ATP1B3: variants seen among roughly 807,000 people sequenced by gnomAD.
The protein encoded by ATP1B3 is ATPase Na+/K+ transporting subunit beta 3, also known as sodium/potassium-transporting ATPase subunit beta-3.
A neutral mutation model predicts 30.2 loss-of-function variants in ATP1B3; 10 were observed. The observed-to-expected ratio is 0.33, with a 90% CI of 0.20 to 0.56. The LOEUF is 0.56. Ranked by LOEUF, ATP1B3 falls within the 20% of genes least tolerant of loss-of-function variation. The pLI, the probability that ATP1B3 is intolerant of heterozygous loss-of-function variation, is 0.90. For missense variants in ATP1B3, 238 were observed against 336.7 expected (o/e 0.71, Z 2.29); for synonymous variants, 113 against 117.0 (o/e 0.97, Z 0.22).
At chr3:141,906,664 A>G (rs535393875) in intron 2 of ATP1B3, among the ~76,000 whole-genome samples, 2 of 152,346 alleles carry the variant, frequency 1.3e-5, no homozygotes, top group East Asian at 1.9e-4. Context: ...TTACAGAGCA[A>G]TATCTGCTAT....
At chr3:141,896,333 TAAG>T (rs1422505962) in intron 1 of ATP1B3, among the ~76,000 whole-genome samples, 5 of 151,976 alleles carry the variant, frequency 3.3e-5, no homozygotes, top group African/African-American at 9.7e-5. Flanking sequence ...AAAATTTTCT[TAAG>T]AAGACCCCCT....
intron 6 of ATP1B3, among the ~76,000 whole-genome samples, chr3:141,922,530 G>A (rs1031958954): frequency 6.6e-6 from 1 of 151,990 alleles, no homozygotes; most frequent in Non-Finnish European, 1.5e-5. Context: ...ACATGTGCCT[G>A]TAGTCCCAGC....
chr3:141,907,865 CATTT>C (rs985318185), intron 3 of ATP1B3, among the ~76,000 whole-genome samples: 1 of 152,156 alleles, frequency 6.6e-6, no homozygotes, highest in South Asian at 2.1e-4. Flanking sequence ...TGAAATGTAA[CATTT>C]ATTCTGCATT....
chr3:141,892,089 T>C lies in ATP1B3; in HGVS notation c.110-11531T>C, dbSNP rs576199168. Among the ~76,000 whole-genome samples, 4 of 152,230 alleles carry C rather than the reference T, an allele frequency of 2.6e-5. No homozygotes were observed. The East Asian group carries it at 7.7e-4, about 29-fold the overall frequency. On this transcript the variant is annotated intron_variant, in intron 1 of 6. Coordinates refer to ENST00000286371, the MANE Select transcript of ATP1B3 (RefSeq NM_001679.4). ...TATTGTCCTTTACTCAATCTGTGGG[T>C]TTCTGGAGAGGTATGTTAACATCTC...
At chr3:141,919,942 G>GA (rs34049823) in intron 5 of ATP1B3, among the ~76,000 whole-genome samples, 2 of 149,626 alleles carry the variant, frequency 1.3e-5, no homozygotes, top group Admixed American at 6.7e-5. Flanking sequence ...GTCTCAAAAA[G>GA]AAAAAAAAAT....
chr3:141,911,486 C>G (rs1934358663), intron 3 of ATP1B3, among the ~76,000 whole-genome samples: 1 of 147,902 alleles, frequency 6.8e-6, no homozygotes, highest in East Asian at 2.0e-4. Context: ...CTCCAGTTAT[C>G]TTGGTCTTTT....
At chr3:141,885,885 A>G (rs1005620293) in intron 1 of ATP1B3, among the ~76,000 whole-genome samples, 7 of 113,370 alleles carry the variant, frequency 6.2e-5, no homozygotes, top group Non-Finnish European at 9.9e-5. Context: ...GTTAAAACAC[A>G]CACACACACA....
chr3:141,899,477 C>A (rs945951642), intron 1 of ATP1B3, among the ~76,000 whole-genome samples: 1 of 152,170 alleles, frequency 6.6e-6, no homozygotes, highest in African/African-American at 2.4e-5. Context: ...AGTAAGATCA[C>A]AGGGTCTAGT....
chr3:141,898,762 A>G (rs1172902584), intron 1 of ATP1B3, among the ~76,000 whole-genome samples: 4 of 152,228 alleles, frequency 2.6e-5, no homozygotes, highest in African/African-American at 9.6e-5. Flanking sequence ...GAAACCATTT[A>G]TTTATACAAA....
chr3:141,925,538 A>T lies in ATP1B3; in HGVS notation c.677A>T (p.Tyr226Phe). 1 of 1,603,284 alleles carries T rather than the reference A, an allele frequency of 6.2e-7. No homozygotes were observed. The highest frequency in any genetic ancestry group is 8.5e-7 in the Non-Finnish European group (1 of 1,176,394). The change falls in exon 7 of 7, where the codon TAT (tyrosine) becomes TTT (phenylalanine). Residue 226 changes from tyrosine to phenylalanine, a missense_variant. By Grantham distance (22) the Tyr-to-Phe change is conservative. Transcript: ENST00000286371. ...TTTTCCTTTTATTGCCAGGTTGGGT[A>T]TCTACAGCCATTGGTTGCTGTTCAG... ...PYYGKKLHVG[Y>F]LQPLVAVQVS...
intron 6 of ATP1B3, among the ~76,000 whole-genome samples, chr3:141,924,436 C>T (rs534388408): frequency 4.6e-5 from 7 of 151,030 alleles, no homozygotes; most frequent in Admixed American, 2.6e-4. Context: ...GTCAGGAGTT[C>T]GAGACCAGCC....
intron 1 of ATP1B3, among the ~76,000 whole-genome samples, chr3:141,889,776 CACACA>C (rs1933906138): frequency 7.1e-6 from 1 of 140,362 alleles, no homozygotes; most frequent in Non-Finnish European, 1.5e-5. Context: ...CACACACACA[CACACA>C]CACACACACA....
chr3:141,920,848 T>G (rs1934552316), intron 5 of ATP1B3, among the ~76,000 whole-genome samples: 3 of 152,212 alleles, frequency 2.0e-5, no homozygotes, highest in Admixed American at 1.3e-4. Context: ...TTCCACATAT[T>G]CATCATCTGG....
chr3:141,901,030 G>A (rs1232030837), intron 1 of ATP1B3, among the ~76,000 whole-genome samples: 1 of 152,148 alleles, frequency 6.6e-6, no homozygotes, highest in Non-Finnish European at 1.5e-5. Context: ...TGATCTGCCC[G>A]CCTTGGCCTC....
intron 3 of ATP1B3, among the ~76,000 whole-genome samples, chr3:141,907,780 A>G (rs1054379560): frequency 6.6e-6 from 1 of 152,174 alleles, no homozygotes; most frequent in African/African-American, 2.4e-5. Flanking sequence ...TGTTCTAACT[A>G]TAGAAAGACA....
At chr3:141,909,713 G>A (rs1330284943) in intron 3 of ATP1B3, among the ~76,000 whole-genome samples, 2 of 152,226 alleles carry the variant, frequency 1.3e-5, no homozygotes, top group Admixed American at 6.5e-5. Flanking sequence ...GATCCAGACT[G>A]TAGGTCCTTA....
intron 1 of ATP1B3, among the ~76,000 whole-genome samples, chr3:141,886,152 T>C (rs954517121): frequency 6.6e-6 from 1 of 152,172 alleles, no homozygotes. Context: ...AGTCTGGCAT[T>C]CCAGGTTTAT....
intron 1 of ATP1B3, among the ~76,000 whole-genome samples, chr3:141,890,788 G>T (rs921927439): frequency 5.9e-5 from 9 of 152,006 alleles, no homozygotes; most frequent in Non-Finnish European, 1.3e-4. Flanking sequence ...GCCCAGGCTG[G>T]TCTCAAACTC....
At chr3:141,913,950 T>C in intron 4 of ATP1B3, 114 bp downstream of exon 4, 1 of 1,015,318 alleles carries the variant, frequency 9.8e-7, no homozygotes, top group South Asian at 2.0e-5. Context: ...AAAGTTATCA[T>C]TTGGGGGGTA....
Sources: gnomAD v4.1 joint callset for allele counts (sites outside exome capture counted in the v4.1 genomes callset) on GRCh38, gnomAD v4.1.1 for gene constraint, MANE v1.5 for transcripts, NCBI Gene and HGNC (gene_info 2026-07-23, HGNC 2026-07-21) for gene names.